The following ZMYM2 variants were observed in gnomAD, a reference collection of about 807,000 sequenced individuals.
ZMYM2 encodes zinc finger MYM-type containing 2.
Under a neutral mutation model 162.8 loss-of-function variants are expected in ZMYM2, and 56 were observed. That is an observed-to-expected ratio of 0.34 (90% CI 0.28 to 0.43). The LOEUF is 0.43. Among genes scored for constraint, ZMYM2 ranks in the 20% least tolerant of loss-of-function variants. The pLI, the probability that ZMYM2 is intolerant of heterozygous loss-of-function variation, is 1.00. For synonymous variants in ZMYM2, 510 were observed against 541.6 expected (o/e 0.94, Z 0.81); for missense variants, 1,275 against 1,621.8 (o/e 0.79, Z 3.67).
At chr13:19,893,945 C>T in the ZMYM2 span, among the ~76,000 whole-genome samples, 3 of 151,780 alleles carry the variant, frequency 2.0e-5, no homozygotes, top group Non-Finnish European at 4.4e-5. Flanking sequence ...GGCTTCAAGA[C>T]ATAATTTCTG....
At chr13:19,947,017 T>C in the ZMYM2 span, among the ~76,000 whole-genome samples, 3 of 151,512 alleles carry the variant, frequency 2.0e-5, no homozygotes, top group African/African-American at 4.9e-5. Context: ...TGTTATCAAT[T>C]TTTTATTTTA....
intron 2 of ZMYM2, among the ~76,000 whole-genome samples, chr13:19,968,852 T>C (rs1956042984): frequency 6.6e-6 from 1 of 152,174 alleles, no homozygotes; most frequent in South Asian, 2.1e-4. Context: ...GTAGGAAGTG[T>C]GTTATGTGTG....
intron 6 of ZMYM2, among the ~76,000 whole-genome samples, chr13:20,013,672 A>G (rs747174328): frequency 1.3e-5 from 2 of 152,152 alleles, no homozygotes; most frequent in Admixed American, 6.5e-5. Flanking sequence ...TGCTTTTTCT[A>G]CATCCTTTGA....
At chr13:20,061,019 A>C in intron 16 of ZMYM2, 34 bp from the exon 17 acceptor site, 2 of 1,575,684 alleles carry the variant, frequency 1.3e-6, no homozygotes, top group Non-Finnish European at 1.7e-6. Context: ...TTTAATGTTT[A>C]GTAAACCTAA....
rs375115036 is a variant in ZMYM2 at position 20,080,555 on chromosome 13, T to G, written c.3454-1461T>G. 1.1e-3 allele frequency among the ~76,000 whole-genome samples: 172 copies of G among 152,154 alleles called. 1 individual carries two copies. In the Middle Eastern group the frequency reaches 0.017, roughly 15 times the overall value. On this transcript the variant is annotated intron_variant, in intron 21 of 24. Transcript: ENST00000610343. The stretch of plus-strand genomic sequence containing the variant: ...CAGGCTAGAGTGCAGTGGTGTGATC[T>G]CATGGCTCACTGCAGCTTTGACCTC...
At chr13:20,002,814 GT>G in intron 3 of ZMYM2, 35 bp from the exon 4 acceptor site, 1 of 1,596,754 alleles carries the variant, frequency 6.3e-7, no homozygotes, top group Non-Finnish European at 8.5e-7. Context: ...ACAAACACTT[GT>G]TTCATTATTC....
At chr13:19,873,216 C>T in the ZMYM2 span, among the ~76,000 whole-genome samples, 3 of 151,836 alleles carry the variant, frequency 2.0e-5, no homozygotes, top group African/African-American at 2.4e-5. Context: ...CCATTGTGGA[C>T]GATCCTCCTC....
rs1047934 is a variant in ZMYM2 at position 20,087,790 on chromosome 13, T to C, written c.*1776T>C. On this transcript the variant is annotated 3_prime_UTR_variant, in exon 25 of 25. Coordinates refer to ENST00000610343, the MANE Select transcript of ZMYM2 (RefSeq NM_197968.4). Reference sequence around the variant, plus strand: ...TCTGATCATACATTACTAAAATAGATTGCTGATTGTCTATTTAACGAAGAC... The same window carrying C: ...TCTGATCATACATTACTAAAATAGACTGCTGATTGTCTATTTAACGAAGAC... 3,413 of 187,134 alleles carry C rather than the reference T, an allele frequency of 0.018. 65 individuals carry two copies. Among genetic ancestry groups the C allele is most frequent in the Non-Finnish European group, 0.022 (1,941 of 88,596 alleles). 11.6% of individuals were successfully genotyped at this position (187,134 alleles called of 1,614,324 possible). A position where few individuals can be genotyped will look rare whatever the true frequency, so the allele number is the denominator to read the frequency against.
At chr13:19,955,766 C>A (rs556768870), upstream of ZMYM2, among the ~76,000 whole-genome samples, 1 of 152,104 alleles carries the variant, frequency 6.6e-6, no homozygotes, top group South Asian at 2.1e-4. Flanking sequence ...GTACTACAGG[C>A]GGGTGCCACC....
intron 3 of ZMYM2, among the ~76,000 whole-genome samples, chr13:20,000,501 T>C (rs1030092384): frequency 6.6e-6 from 1 of 152,200 alleles, no homozygotes; most frequent in Non-Finnish European, 1.5e-5. Context: ...CAGTGCTCAT[T>C]TACCATTCTG....
the ZMYM2 span, among the ~76,000 whole-genome samples, chr13:19,917,798 A>C: frequency 1.4e-4 from 21 of 152,186 alleles, no homozygotes; most frequent in Middle Eastern, 3.4e-3. Flanking sequence ...GTCTTGGCTC[A>C]TGCCTGCCCT....
chr13:19,971,131 C>T (rs779372035), intron 2 of ZMYM2, among the ~76,000 whole-genome samples: 2 of 151,114 alleles, frequency 1.3e-5, no homozygotes, highest in African/African-American at 2.4e-5. Flanking sequence ...ATATTACATA[C>T]AGGTAAGGGG....
intron 12 of ZMYM2, among the ~76,000 whole-genome samples, chr13:20,045,468 C>T (rs1954682422): frequency 6.6e-6 from 1 of 152,132 alleles, no homozygotes; most frequent in Non-Finnish European, 1.5e-5. Context: ...GACAAACATA[C>T]ACTCTAAAAC....
chr13:19,973,058 T>G (rs60772168), intron 2 of ZMYM2, among the ~76,000 whole-genome samples: 21,757 of 151,482 alleles, frequency 0.14, 2,915 homozygotes, highest in African/African-American at 0.36. Context: ...TGCCTCAGCC[T>G]CCCGAGTAGC....
chr13:20,063,384 C>T (rs1471094650), intron 18 of ZMYM2, among the ~76,000 whole-genome samples: 1 of 125,540 alleles, frequency 8.0e-6, no homozygotes, highest in Admixed American at 9.3e-5. Flanking sequence ...GCTTGGGCAG[C>T]AGAGTGAGAC....
upstream of ZMYM2, among the ~76,000 whole-genome samples, chr13:19,958,446 C>T (rs1366568629): frequency 6.6e-6 from 1 of 152,002 alleles, no homozygotes; most frequent in Non-Finnish European, 1.5e-5. Flanking sequence ...GGCTCCTGAC[C>T]CTGGCAGACC....
the ZMYM2 span, among the ~76,000 whole-genome samples, chr13:19,870,531 T>TTG: frequency 1.7e-5 from 2 of 116,848 alleles, no homozygotes; most frequent in South Asian, 6.4e-4. Context: ...CTCTCTTTCT[T>TTG]TCTTTCTCTT....
the ZMYM2 span, among the ~76,000 whole-genome samples, chr13:19,903,320 C>A: frequency 6.6e-6 from 1 of 151,186 alleles, no homozygotes; most frequent in East Asian, 2.0e-4. Flanking sequence ...CAGAATGATA[C>A]CTTGTCTCTA....
the ZMYM2 span, among the ~76,000 whole-genome samples, chr13:19,897,877 A>T: frequency 1.3e-5 from 2 of 152,144 alleles, no homozygotes; most frequent in Non-Finnish European, 2.9e-5. Flanking sequence ...TTGAGGTGAG[A>T]AAAAGCTCAA....
Sources: allele counts gnomAD v4.1 joint callset (sites outside exome capture counted in the v4.1 genomes callset), GRCh38; gene constraint gnomAD v4.1.1; transcripts MANE v1.5; gene names NCBI Gene and HGNC (gene_info 2026-07-23, HGNC 2026-07-21).